Variants in FPGS observed in about 807,000 individuals in gnomAD.
FPGS encodes the protein folylpolyglutamate synthase, also known as folylpolyglutamate synthase, mitochondrial.
A neutral mutation model predicts 66.5 loss-of-function variants in FPGS; 53 were observed. The ratio of observed to expected loss-of-function variants is 0.80; its 90% CI spans 0.64 to 1.00. The LOEUF (loss-of-function observed/expected upper bound fraction) is 1.00, where lower values mean the gene tolerates loss of function less well. Among genes scored for constraint, FPGS ranks in the 50% least tolerant of loss-of-function variants. FPGS has a pLI of 0.00. For synonymous variants in FPGS, 348 were observed against 350.9 expected, an observed-to-expected ratio of 0.99 and a Z score of 0.09; for missense variants, 702 against 807.7, an observed-to-expected ratio of 0.87 and a Z score of 1.59.
Position 127,810,085 on chromosome 9 carries a change from G to A in FPGS, c.1266G>A (p.Ala422=), listed in dbSNP as rs573086299. ...LFNATGDRDP[A]ALLKLLQPCQ... is the part of the protein sequence containing the mutation. ...ATGCTACCGGGGACCGGGACCCGGC[G>A]GCCCTGCTGAAGCTGCTGCAGGTGA... is the stretch of plus-strand genomic sequence containing the variant. The change falls in exon 13 of 15, where the codon GCG becomes GCA. Residue 422 remains alanine, a synonymous_variant. Transcript: ENST00000373247. 8.1e-6 allele frequency: 13 copies of A among 1,613,208 alleles called. No individual in the cohort carries two copies. The African/African-American group carries it at 1.6e-4, about 20-fold the overall frequency.
rs1829741978 is a variant in FPGS, at chr9:127,804,718, G to A, written c.386+18G>A. ...TTCTTTAGGTACTGGCTTGTGGGGGGATGTGGTGTCTGTGTCCCAATGGAC... is the reference window on the plus strand; with the variant it reads ...TTCTTTAGGTACTGGCTTGTGGGGGAATGTGGTGTCTGTGTCCCAATGGAC... On this transcript the variant is annotated intron_variant, in intron 4 of 14. Transcript: ENST00000373247. 8 of 1,613,394 alleles carry A rather than the reference G, an allele frequency of 5.0e-6. No homozygotes were observed. The highest frequency in any genetic ancestry group is 1.7e-5 in the Admixed American group (1 of 59,974).
At chr9:127,810,593 A>G (rs1830032730) in intron 13 of FPGS, among the ~76,000 whole-genome samples, 1 of 152,104 alleles carries the variant, frequency 6.6e-6, no homozygotes, top group African/African-American at 2.4e-5. Context: ...TTCACAGACC[A>G]GGAGGCTGAG....
At position 127,807,897 on chromosome 9, in the gene FPGS, G is replaced by A. The variant is rs995697464; in HGVS notation, c.744+209G>A. 1.0e-5 allele frequency: 6 copies of A among 573,208 alleles called. No individual in the cohort carries two copies. The highest frequency in any genetic ancestry group is 2.9e-5 in the East Asian group (1 of 34,154). The allele number at this position is 573,208 out of a possible 1,614,324, so 35.5% of individuals were successfully genotyped here. A position where few individuals can be genotyped will look rare whatever the true frequency, so the allele number is the denominator to read the frequency against. ...GAGGTGAGAGGATCACCTGAGATCC[G>A]GAGTTTGAGACCAGCCTGACCAATA... is the stretch of plus-strand genomic sequence containing the variant. On this transcript the variant is annotated intron_variant, in intron 8 of 14. Coordinates refer to ENST00000373247, the MANE Select transcript of FPGS (RefSeq NM_004957.6). The surrounding 1 kb of genome is among the most constrained non-coding windows in gnomAD (Gnocchi z 5.8).
At chr9:127,804,745 C>G (rs1405171155) in intron 4 of FPGS, 45 bp downstream of exon 4, 1 of 1,601,756 alleles carries the variant, frequency 6.2e-7, no homozygotes, top group Non-Finnish European at 8.6e-7. Context: ...CCAATGGACC[C>G]TGGGGGGCTA....
chr9:127,810,170 C>T (rs1271088500), intron 13 of FPGS, 64 bp downstream of exon 13: 6 of 1,399,198 alleles, frequency 4.3e-6, no homozygotes, highest in Non-Finnish European at 5.0e-6. Flanking sequence ...GCGGTGTGAC[C>T]CTGGGGGGTG....
chr9:127,804,716 G>C lies in FPGS; in HGVS notation c.386+16G>C, dbSNP rs1005822961. 1.2e-5 allele frequency: 20 copies of C among 1,613,668 alleles called. 1 individual carries two copies. The highest frequency in any genetic ancestry group is 6.7e-5 in the African/African-American group (5 of 75,002). ...GATTCTTTAGGTACTGGCTTGTGGG[G>C]GGATGTGGTGTCTGTGTCCCAATGG... On this transcript the variant is annotated intron_variant, in intron 4 of 14. Coordinates refer to ENST00000373247, the MANE Select transcript of FPGS (RefSeq NM_004957.6).
At chr9:127,809,861 C>T (rs2131854545) in intron 12 of FPGS, 27 bp downstream of exon 12, 4 of 648,888 alleles carry the variant, frequency 6.2e-6, no homozygotes, top group African/African-American at 4.3e-5. Flanking sequence ...GGGGTGGGGC[C>T]GGGGCTGGCC....
Position 127,813,755 on chromosome 9 carries a change from A to G in FPGS, c.*151A>G. The G allele has an allele frequency of 7.6e-7, 1 of 1,309,458 alleles. No homozygotes were observed. The highest frequency in any genetic ancestry group is 9.7e-7 in the Non-Finnish European group (1 of 1,035,382). 81.1% of individuals were successfully genotyped at this position (1,309,458 alleles called of 1,614,324 possible). A position where few individuals can be genotyped will look rare whatever the true frequency, so the allele number is the denominator to read the frequency against. ...CTTTGGGATGGGAGGCCGGGAGAGG[A>G]TGTCTTTTTTAAGGCTCTGTGCCTT... On this transcript the variant is annotated 3_prime_UTR_variant, in exon 15 of 15. Coordinates refer to ENST00000373247, the MANE Select transcript of FPGS (RefSeq NM_004957.6).
rs779008903 is a variant in FPGS at position 127,807,115 on chromosome 9, G to A, written c.501+28G>A. 6.2e-7 allele frequency: 1 copy of A among 1,610,168 alleles called. No homozygotes were observed. The highest frequency in any genetic ancestry group is 1.1e-5 in the South Asian group (1 of 91,010). On this transcript the variant is annotated intron_variant, in intron 5 of 14. Transcript: ENST00000373247. The surrounding 1 kb of genome is among the most constrained non-coding windows in gnomAD (Gnocchi z 5.8). ...GCCGCATGCAGGAGGGCTGGCGGGT[G>A]GGTATGGTTGGGGGTGCTACGTGTT...
chr9:127,807,598 G>A lies in FPGS; in HGVS notation c.654G>A (p.Val218=). 3.1e-6 allele frequency: 5 copies of A among 1,613,100 alleles called. No individual in the cohort carries two copies. Among genetic ancestry groups the A allele is most frequent in the South Asian group, 1.1e-5 (1 of 91,060 alleles). Residue 218 remains valine, a synonymous_variant, in exon 8 of 15, where the codon GTG becomes GTA. Transcript: ENST00000373247. The surrounding 1 kb of genome is among the most constrained non-coding windows in gnomAD (Gnocchi z 5.8). ...DCTNIIRKPV[V]CGVSSLGIDH... is the part of the protein sequence containing the mutation. ...TCCTCCCCTGCAGGAAGCCTGTGGTGTGCGGAGTCTCCTCTCTTGGCATCG... is the reference window on the plus strand; with the variant it reads ...TCCTCCCCTGCAGGAAGCCTGTGGTATGCGGAGTCTCCTCTCTTGGCATCG...
At chr9:127,808,048 G>C (rs557576983) in intron 8 of FPGS, 186 bp from the exon 9 acceptor site, 1 of 594,052 alleles carries the variant, frequency 1.7e-6, no homozygotes, top group Admixed American at 2.9e-5. Flanking sequence ...AGACGTTGCA[G>C]TGAGCCGAGA....
intron 14 of FPGS, 70 bp downstream of exon 14, chr9:127,811,081 A>C: frequency 1.2e-6 from 1 of 859,834 alleles, no homozygotes; most frequent in Non-Finnish European, 1.9e-6. Context: ...GGGCTTCCAA[A>C]CTGGAGGTTT....
chr9:127,807,768 T>A lies in FPGS; in HGVS notation c.744+80T>A. On this transcript the variant is annotated intron_variant, in intron 8 of 14. Transcript: ENST00000373247. The surrounding 1 kb of genome is among the most constrained non-coding windows in gnomAD (Gnocchi z 5.8). ...TTTCATCCTGGCTTCACTGTGTGAC[T>A]GGAACAAGTTGAGTCTCCTCTCCAG... 1 of 884,858 alleles carries A rather than the reference T, an allele frequency of 1.1e-6. No individual in the cohort carries two copies. The highest frequency in any genetic ancestry group is 1.7e-6 in the Non-Finnish European group (1 of 577,038). The allele number at this position is 884,858 out of a possible 1,614,324, so 54.8% of individuals were successfully genotyped here. A position where few individuals can be genotyped will look rare whatever the true frequency, so the allele number is the denominator to read the frequency against.
rs1249632520 is a variant in FPGS at position 127,809,891 on chromosome 9, T to TTGGGGAAGGGCGGGGCGGGGTCG, written c.1211+73_1211+95dup. ...CTGGCCCACGAGGAGGGGCGGGATC[T>TTGGGGAAGGGCGGGGCGGGGTCG]TGGGGAAGGGCGGGGCGGGGTCGTG... On this transcript the variant is annotated intron_variant, in intron 12 of 14. Transcript: ENST00000373247. 220 of 667,936 alleles carry TTGGGGAAGGGCGGGGCGGGGTCG rather than the reference T, an allele frequency of 3.3e-4. 1 individual carries two copies. The African/African-American group carries it at 6.5e-3, about 20-fold the overall frequency. 41.4% of individuals were successfully genotyped at this position (667,936 alleles called of 1,614,324 possible).
At position 127,809,279 on chromosome 9, in the gene FPGS, T is replaced by G. The variant is rs535544769; in HGVS notation, c.1060+390T>G. ...GGAGGATGGTGATCCAGTCATCTGC[T>G]TCTTGCCTCCCCCAAAGCTTTCAGC... On this transcript the variant is annotated intron_variant, in intron 11 of 14. Transcript: ENST00000373247. Among the ~76,000 whole-genome samples the G allele has an allele frequency of 2.6e-5, 4 of 152,324 alleles. No homozygotes were observed. In the East Asian group the frequency reaches 7.7e-4, roughly 29 times the overall value.
rs966472854 is a variant in FPGS, at chr9:127,804,809, GTC to G, written c.386+115_386+116del. ...GTCACCCCCAGGAGGTCAGCTGCAT[GTC>G]TCTCTGCCCAGTGTTTATTCATTCA... On this transcript the variant is annotated intron_variant, in intron 4 of 14. Coordinates refer to ENST00000373247, the MANE Select transcript of FPGS (RefSeq NM_004957.6). 8 of 967,416 alleles carry G rather than the reference GTC, an allele frequency of 8.3e-6. No homozygotes were observed. The African/African-American group carries it at 1.3e-4, about 16-fold the overall frequency. The allele number at this position is 967,416 out of a possible 1,614,324, so 59.9% of individuals were successfully genotyped here.
intron 1 of FPGS, 143 bp from the exon 2 acceptor site, chr9:127,804,142 A>G (rs893045588): frequency 1.7e-5 from 18 of 1,063,408 alleles, no homozygotes; most frequent in Non-Finnish European, 2.3e-5. Flanking sequence ...CTTAACCTAC[A>G]GGCTAGGCTA....
chr9:127,807,803 C>G lies in FPGS; in HGVS notation c.744+115C>G. ...TGAGTCTCCTCTCCAGACTATTTCC[C>G]CATTGAAACGTGAGGGATGGCTGGG... On this transcript the variant is annotated intron_variant, in intron 8 of 14. Coordinates refer to ENST00000373247, the MANE Select transcript of FPGS (RefSeq NM_004957.6). The surrounding 1 kb of genome is among the most constrained non-coding windows in gnomAD (Gnocchi z 5.8). 1.5e-6 allele frequency: 1 copy of G among 679,492 alleles called. No individual in the cohort carries two copies. Among genetic ancestry groups the G allele is most frequent in the East Asian group, 2.8e-5 (1 of 36,060 alleles). The allele number at this position is 679,492 out of a possible 1,614,324, so 42.1% of individuals were successfully genotyped here.
chr9:127,814,348 T>TC, downstream of FPGS: 1 of 198,850 alleles, frequency 5.0e-6, no homozygotes, highest in Non-Finnish European at 9.0e-6. Context: ...CTGTGGCTGG[T>TC]TTCAAGAAGC....
Sources: allele counts gnomAD v4.1 joint callset (sites outside exome capture counted in the v4.1 genomes callset), GRCh38; gene constraint gnomAD v4.1.1; non-coding constraint Gnocchi (gnomAD v3.1); transcripts MANE v1.5; gene names NCBI Gene and HGNC (gene_info 2026-07-23, HGNC 2026-07-21).